The following MME variants were observed in gnomAD, a reference collection of about 807,000 sequenced individuals.
The protein encoded by MME is neprilysin.
A neutral mutation model predicts 113.2 loss-of-function variants in MME; 98 were observed. The observed-to-expected ratio is 0.87, with a 90% confidence interval of 0.74 to 1.02. MME has a LOEUF of 1.02. Ranked by LOEUF, MME falls within the 50% of genes least tolerant of loss-of-function variation. The pLI, the probability that MME is intolerant of heterozygous loss-of-function variation, is 0.00. For missense variants in MME, 836 were observed against 896.0 expected (o/e 0.93, Z 0.86); for synonymous variants, 292 against 300.6 (o/e 0.97, Z 0.30).
At chr3:155,107,081 C>A (rs1717749219) in intron 3 of MME, among the ~76,000 whole-genome samples, 1 of 152,142 alleles carries the variant, frequency 6.6e-6, no homozygotes, top group African/African-American at 2.4e-5. Flanking sequence ...AGGGACCGGG[C>A]GTGGTGGCTC....
At chr3:155,026,672 C>T (rs1049686622) in intron 1 of MME, among the ~76,000 whole-genome samples, 34 of 152,194 alleles carry the variant, frequency 2.2e-4, no homozygotes, top group South Asian at 1.0e-3. Flanking sequence ...TGTACTGAGC[C>T]GAGATCATGT....
chr3:155,076,692 C>CAGTT (rs1385545076), upstream of MME, among the ~76,000 whole-genome samples: 1 of 152,146 alleles, frequency 6.6e-6, no homozygotes, highest in Non-Finnish European at 1.5e-5. Context: ...AGTAAACTTA[C>CAGTT]AGTTATTTCT....
In MME at chr3:155,138,227, A is replaced by G; in HGVS notation, c.846A>G (p.Glu282=). The G allele has an allele frequency of 1.2e-6, 2 of 1,613,574 alleles. No individual in the cohort carries two copies. The highest frequency in any genetic ancestry group is 4.5e-5 in the East Asian group (2 of 44,816). ...EMNKVMELEK[E]IANATAKPED... ...ATAAAGTTATGGAATTGGAAAAAGA[A>G]ATTGCCAATGTAAAACACATTTTTT... Residue 282 remains glutamate (E), a synonymous_variant, in exon 9 of 23, where the codon GAA becomes GAG. Coordinates refer to ENST00000360490, the MANE Select transcript of MME (RefSeq NM_007289.4).
intron 16 of MME, among the ~76,000 whole-genome samples, chr3:155,148,856 A>G (rs1403453702): frequency 2.0e-5 from 3 of 152,186 alleles, no homozygotes; most frequent in Non-Finnish European, 4.4e-5. Context: ...TACCTTTCTC[A>G]TTAAGGTATC....
intron 1 of MME, chr3:155,083,413 T>G (rs1010577151): frequency 1.3e-5 from 2 of 152,306 alleles, no homozygotes; most frequent in African/African-American, 4.8e-5. Context: ...ACTACAAGTA[T>G]CAACTTGGTA....
At chr3:155,103,496 CT>C (rs1717439994) in intron 3 of MME, among the ~76,000 whole-genome samples, 1 of 152,176 alleles carries the variant, frequency 6.6e-6, no homozygotes, top group South Asian at 2.1e-4. Flanking sequence ...TCTCAGTTGT[CT>C]AATTCACCTT....
intron 1 of MME, among the ~76,000 whole-genome samples, chr3:155,057,766 C>G (rs1040742986): frequency 6.7e-6 from 1 of 150,260 alleles, no homozygotes; most frequent in Non-Finnish European, 1.5e-5. Flanking sequence ...TGGAGATCAG[C>G]GACATTTTTT....
chr3:155,100,062 A>G (rs928942832), intron 3 of MME, among the ~76,000 whole-genome samples: 12 of 152,218 alleles, frequency 7.9e-5, no homozygotes, highest in Non-Finnish European at 1.2e-4. Context: ...GGATCTAATT[A>G]AACTAAAGAG....
At chr3:155,152,610 G>A (rs926575439) in intron 16 of MME, among the ~76,000 whole-genome samples, 1 of 152,126 alleles carries the variant, frequency 6.6e-6, no homozygotes, top group African/African-American at 2.4e-5. Flanking sequence ...GGAGGTCAAG[G>A]TGGGCGGATC....
chr3:155,042,906 A>ATATG (rs1713384366), intron 1 of MME, among the ~76,000 whole-genome samples: 1 of 41,866 alleles, frequency 2.4e-5, no homozygotes, highest in Admixed American at 3.5e-4. Context: ...GGTTTTATAT[A>ATATG]TATATATATA....
At position 155,142,018 on chromosome 3, in the gene MME, G is replaced by A; in HGVS notation, c.985G>A (p.Glu329Lys). The A allele has an allele frequency of 6.2e-7, 1 of 1,613,628 alleles. No homozygotes were observed. The highest frequency in any genetic ancestry group is 8.5e-7 in the Non-Finnish European group (1 of 1,179,722). Reference protein sequence around the residue: ...KPFSWLNFTNEIMSTVNISIT... With the variant: ...KPFSWLNFTNKIMSTVNISIT... ...ATTCAGCTGGTTGAATTTCACAAAT[G>A]AAATCATGTCAACTGTGAATATTAG... The change falls in exon 11 of 23, where the codon GAA becomes AAA. Residue 329 changes from glutamate (E) to lysine (K), a missense_variant. Coordinates refer to ENST00000360490, the MANE Select transcript of MME (RefSeq NM_007289.4).
intron 16 of MME, among the ~76,000 whole-genome samples, chr3:155,159,506 G>A (rs1271907514): frequency 2.0e-5 from 3 of 151,970 alleles, no homozygotes; most frequent in African/African-American, 4.8e-5. Flanking sequence ...GTCCTGTTGC[G>A]CAAAATTTCT....
chr3:155,124,750 C>A (rs1170257139), intron 8 of MME, among the ~76,000 whole-genome samples: 2 of 150,988 alleles, frequency 1.3e-5, no homozygotes, highest in Non-Finnish European at 3.0e-5. Context: ...GGGTCAGGGA[C>A]CCACTTGAGG....
chr3:155,078,480 G>A (rs146256654), upstream of MME, among the ~76,000 whole-genome samples: 29 of 152,184 alleles, frequency 1.9e-4, no homozygotes, highest in African/African-American at 7.0e-4. Context: ...CCACTTATTA[G>A]GATGAACTAC....
intron 1 of MME, among the ~76,000 whole-genome samples, chr3:155,063,670 A>ATATTG (rs1331816312): frequency 9.6e-6 from 1 of 103,734 alleles, no homozygotes; most frequent in African/African-American, 4.3e-5. Flanking sequence ...AACATATTAT[A>ATATTG]TATTATATTA....
intron 16 of MME, among the ~76,000 whole-genome samples, chr3:155,155,165 G>C (rs78995196): frequency 1.3e-5 from 2 of 152,026 alleles, no homozygotes; most frequent in African/African-American, 4.8e-5. Context: ...GTTTTGTTTC[G>C]TTTTGTTTTG....
chr3:155,124,646 C>T (rs1233524292), intron 8 of MME, among the ~76,000 whole-genome samples: 1 of 151,466 alleles, frequency 6.6e-6, no homozygotes, highest in Non-Finnish European at 1.5e-5. Flanking sequence ...CAGACAGGAC[C>T]CTCAGCTGCA....
intron 1 of MME, among the ~76,000 whole-genome samples, chr3:155,083,185 AT>A (rs1715316463): frequency 6.6e-6 from 1 of 152,162 alleles, no homozygotes; most frequent in African/African-American, 2.4e-5. Flanking sequence ...ATACAGCTTT[AT>A]TTTGAACAGT....
chr3:155,128,593 GC>G (rs951554257), intron 8 of MME, among the ~76,000 whole-genome samples: 3 of 149,894 alleles, frequency 2.0e-5, no homozygotes, highest in East Asian at 4.0e-4. Flanking sequence ...CCTAGAACTT[GC>G]CCCCCACACA....
Sources: gnomAD v4.1 joint callset for allele counts (sites outside exome capture counted in the v4.1 genomes callset) on GRCh38, gnomAD v4.1.1 for gene constraint, MANE v1.5 for transcripts, NCBI Gene and HGNC (gene_info 2026-07-23, HGNC 2026-07-21) for gene names.